The following HEATR4 variants were observed in gnomAD, a reference collection of about 807,000 sequenced individuals.
HEATR4 encodes HEAT repeat containing 4.
Under a neutral mutation model 108.8 loss-of-function variants are expected in HEATR4, and 95 were observed. The ratio of observed to expected loss-of-function variants is 0.87; its 90% CI spans 0.74 to 1.04. The LOEUF is 1.04. Among genes scored for constraint, HEATR4 ranks in the 50% least tolerant of loss-of-function variants. The probability of loss-of-function intolerance (pLI) is 0.00; values close to 1 mark genes in which losing one functional copy is unlikely to be tolerated. For synonymous variants in HEATR4, 443 were observed against 459.4 expected, an observed-to-expected ratio of 0.96 and a Z score of 0.46; for missense variants, 1,152 against 1,253.8, an observed-to-expected ratio of 0.92 and a Z score of 1.23.
chr14:73,573,719 CACTTCTT>C, the HEATR4 span: 1 of 1,128,904 alleles, frequency 8.9e-7, no homozygotes, highest in African/African-American at 1.6e-5. Flanking sequence ...CTTTTTTAGT[CACTTCTT>C]ATAGACAGTT....
chr14:73,586,184 G>C, the HEATR4 span, among the ~76,000 whole-genome samples: 71 of 151,490 alleles, frequency 4.7e-4, no homozygotes, highest in African/African-American at 1.5e-3. Flanking sequence ...ACCTGAGGTC[G>C]GGAGTTCAAG....
the HEATR4 span, chr14:73,594,957 C>T: frequency 3.0e-5 from 44 of 1,480,108 alleles, 1 homozygote; most frequent in South Asian, 2.1e-4. Flanking sequence ...CGCCCGCCTC[C>T]GCCTCGCAGA....
chr14:73,609,283 G>C, the HEATR4 span, among the ~76,000 whole-genome samples: 1 of 152,166 alleles, frequency 6.6e-6, no homozygotes, highest in Non-Finnish European at 1.5e-5. Flanking sequence ...TCCTCTGTGG[G>C]TGATCTGGGA....
the HEATR4 span, among the ~76,000 whole-genome samples, chr14:73,568,426 A>C: frequency 6.6e-6 from 1 of 151,244 alleles, no homozygotes; most frequent in African/African-American, 2.4e-5. Flanking sequence ...ATGCATGGGG[A>C]GCTCCGGTAG....
chr14:73,603,205 T>A, the HEATR4 span, among the ~76,000 whole-genome samples: 1 of 152,230 alleles, frequency 6.6e-6, no homozygotes, highest in Non-Finnish European at 1.5e-5. Context: ...CTTACCAAGC[T>A]GTAAAGCAGG....
At chr14:73,485,775 A>G (rs2140242731) in intron 17 of HEATR4, among the ~76,000 whole-genome samples, 1 of 152,282 alleles carries the variant, frequency 6.6e-6, no homozygotes, top group Middle Eastern at 3.4e-3. Context: ...CAGGTGAGGC[A>G]CAAGAATCGC....
chr14:73,566,678 A>C, the HEATR4 span, among the ~76,000 whole-genome samples: 5 of 152,158 alleles, frequency 3.3e-5, no homozygotes, highest in Admixed American at 3.3e-4. Context: ...CTGGCCCGCA[A>C]GTGCGGAACG....
In HEATR4 at chr14:73,537,837, T is replaced by G. The variant is rs757364748; in HGVS notation, c.-151-7593A>C. ...CCGCCCGGGGTGCGGCGCGAGCCGGTGCGCGCGGGCCGGGTGCGAGGCACG... is the reference window on the plus strand; with the variant it reads ...CCGCCCGGGGTGCGGCGCGAGCCGGGGCGCGCGGGCCGGGTGCGAGGCACG... On this transcript the variant is annotated intron_variant, in intron 1 of 17. Coordinates refer to ENST00000553558, the MANE Select transcript of HEATR4 (RefSeq NM_001220484.1). 12 of 1,209,186 alleles carry G rather than the reference T, an allele frequency of 9.9e-6. 3 individuals carry two copies. In the African/African-American group the frequency reaches 1.7e-4, roughly 18 times the overall value. The allele number at this position is 1,209,186 out of a possible 1,614,324, so 74.9% of individuals were successfully genotyped here.
chr14:73,552,348 CTCTT>C, intron 1 of HEATR4, among the ~76,000 whole-genome samples: 1 of 92,340 alleles, frequency 1.1e-5, no homozygotes, highest in Admixed American at 1.3e-4. Flanking sequence ...GATCATGAAG[CTCTT>C]TCTGTGCTGC....
chr14:73,479,122 T>G (rs1885137665), intron 17 of HEATR4, among the ~76,000 whole-genome samples: 1 of 150,986 alleles, frequency 6.6e-6, no homozygotes, highest in African/African-American at 2.4e-5. Context: ...TGTTTGTTTG[T>G]TTGTTTTTTT....
intron 17 of HEATR4, chr14:73,491,587 C>G (rs1009487126): frequency 1.4e-5 from 21 of 1,544,864 alleles, no homozygotes; most frequent in South Asian, 8.4e-5. Context: ...GCGTCTTGGC[C>G]GAGCTGAACC....
chr14:73,581,132 C>CTTTTTTTT, the HEATR4 span: 5 of 144,306 alleles, frequency 3.5e-5, no homozygotes, highest in African/African-American at 2.5e-5. Context: ...TCACCTCACA[C>CTTTTTTTT]TTTTTTTTTT....
chr14:73,482,478 C>T (rs1022330770), intron 17 of HEATR4, among the ~76,000 whole-genome samples: 8 of 152,126 alleles, frequency 5.3e-5, no homozygotes, highest in East Asian at 3.9e-4. Context: ...GCCGAGACTG[C>T]GCCACTGCAC....
chr14:73,567,734 G>A, the HEATR4 span: 3 of 152,018 alleles, frequency 2.0e-5, no homozygotes, highest in East Asian at 1.9e-4. Context: ...CTGTAACACC[G>A]TGAAGGTATA....
chr14:73,500,784 C>A, intron 11 of HEATR4, 54 bp from the exon 12 acceptor site: 1 of 1,529,400 alleles, frequency 6.5e-7, no homozygotes, highest in South Asian at 1.2e-5. Flanking sequence ...AGTACCTAAC[C>A]CCCAACCCCC....
chr14:73,565,556 G>A, the HEATR4 span, among the ~76,000 whole-genome samples: 3,853 of 152,010 alleles, frequency 0.025, 83 homozygotes, highest in African/African-American at 0.048. Flanking sequence ...CTTAAAGGTG[G>A]CATGTCCAGA....
At chr14:73,576,560 T>G in the HEATR4 span, among the ~76,000 whole-genome samples, 1 of 151,860 alleles carries the variant, frequency 6.6e-6, no homozygotes, top group Non-Finnish European at 1.5e-5. Context: ...GCCAGCACTT[T>G]GGGAGACCAA....
chr14:73,602,325 A>G, the HEATR4 span, among the ~76,000 whole-genome samples: 1 of 152,218 alleles, frequency 6.6e-6, no homozygotes, highest in Admixed American at 6.5e-5. Context: ...ATGATTTATC[A>G]TGAATGCAGG....
chr14:73,546,055 C>T lies in HEATR4; in HGVS notation c.-152+12696G>A, dbSNP rs1450606267. ...AGAGTACAATGGCTTGATCTCGGCT[C>T]ACTGCAACCTCCGCCTCCTGGGTTC... On this transcript the variant is annotated intron_variant, in intron 1 of 17. Transcript: ENST00000553558. Among the ~76,000 whole-genome samples the T allele has an allele frequency of 1.8e-5, 2 of 113,556 alleles. 1 individual carries two copies. Among genetic ancestry groups the T allele is most frequent in the Non-Finnish European group, 3.8e-5 (2 of 52,334 alleles). 74.5% of individuals were successfully genotyped at this position (113,556 alleles called of 152,430 possible).
Sources: gnomAD v4.1 joint callset for allele counts (sites outside exome capture counted in the v4.1 genomes callset) on GRCh38, gnomAD v4.1.1 for gene constraint, MANE v1.5 for transcripts, NCBI Gene and HGNC (gene_info 2026-07-23, HGNC 2026-07-21) for gene names.